STRBP: variants seen among roughly 807,000 people sequenced by gnomAD.
STRBP encodes the protein spermatid perinuclear RNA binding protein, also known as spermatid perinuclear RNA-binding protein.
STRBP carries 13 observed loss-of-function variants against 80.1 expected under a neutral mutation model. That is an observed-to-expected ratio of 0.16 (90% CI 0.11 to 0.26). STRBP has a LOEUF of 0.26. Among genes scored for constraint, STRBP ranks in the 10% least tolerant of loss-of-function variants. STRBP has a pLI of 1.00. For missense variants in STRBP, 485 were observed against 815.2 expected, an observed-to-expected ratio of 0.59 and a Z score of 4.93; for synonymous variants, 284 against 291.2, an observed-to-expected ratio of 0.98 and a Z score of 0.25.
At chr9:123,129,942 G>T (rs1167215163) in intron 17 of STRBP, among the ~76,000 whole-genome samples, 2 of 152,180 alleles carry the variant, frequency 1.3e-5, no homozygotes, top group African/African-American at 4.8e-5. Flanking sequence ...AGAGGAGACA[G>T]ATCAGAGGCC....
chr9:123,209,393 A>T (rs1359183005), intron 2 of STRBP, among the ~76,000 whole-genome samples: 1 of 152,244 alleles, frequency 6.6e-6, no homozygotes, highest in Non-Finnish European at 1.5e-5. Context: ...CAGTATTAAC[A>T]ATACACTCTA....
chr9:123,122,047 C>A lies in STRBP; in HGVS notation c.*3550G>T. The A allele has an allele frequency of 5.1e-6, 1 of 197,560 alleles. No homozygotes were observed. 12.2% of individuals were successfully genotyped at this position (197,560 alleles called of 1,614,324 possible). A position where few individuals can be genotyped will look rare whatever the true frequency, so the allele number is the denominator to read the frequency against. On this transcript the variant is annotated 3_prime_UTR_variant, in exon 19 of 19. Coordinates refer to ENST00000348403, the MANE Select transcript of STRBP (RefSeq NM_018387.5). ...TATTAAAACAAATGTTGAAAAATAA[C>A]TATTTTACATTTAGACCATACAATT...
chr9:123,251,129 GTCTGTCTCTGTTTCTTTC>G (rs893266637), intron 1 of STRBP, among the ~76,000 whole-genome samples: 20 of 152,102 alleles, frequency 1.3e-4, no homozygotes, highest in East Asian at 1.2e-3. Context: ...GAACCTCTCT[GTCTGTCTCTGTTTCTTTC>G]TCTGTCTCTG....
At chr9:123,235,002 G>GT (rs1206649649) in intron 2 of STRBP, among the ~76,000 whole-genome samples, 4 of 148,428 alleles carry the variant, frequency 2.7e-5, no homozygotes, top group African/African-American at 7.4e-5. Context: ...TTTTTGGGGG[G>GT]GGGGGGTACT....
chr9:123,239,787 T>C (rs2040654376), intron 1 of STRBP, among the ~76,000 whole-genome samples: 1 of 152,246 alleles, frequency 6.6e-6, no homozygotes. Flanking sequence ...AGCATCTGAA[T>C]TTATGAAATG....
intron 13 of STRBP, among the ~76,000 whole-genome samples, chr9:123,144,976 T>C (rs1003098600): frequency 6.6e-6 from 1 of 152,210 alleles, no homozygotes; most frequent in African/African-American, 2.4e-5. Context: ...CTTAATTCAT[T>C]CTACCTGGAT....
intron 6 of STRBP, chr9:123,168,050 G>A (rs764367328): frequency 1.0e-5 from 2 of 192,822 alleles, no homozygotes; most frequent in Non-Finnish European, 1.9e-5. Context: ...AAGCAAACAT[G>A]TAATTAACTT....
intron 2 of STRBP, among the ~76,000 whole-genome samples, chr9:123,197,318 G>C (rs1178457850): frequency 2.0e-5 from 3 of 152,174 alleles, no homozygotes; most frequent in African/African-American, 7.2e-5. Flanking sequence ...TCTAGTATTT[G>C]ATAACACAAC....
At chr9:123,238,651 G>C (rs1340623264) in intron 1 of STRBP, among the ~76,000 whole-genome samples, 1 of 152,168 alleles carries the variant, frequency 6.6e-6, no homozygotes, top group East Asian at 1.9e-4. Flanking sequence ...TCCCACGTAT[G>C]CAAATGAATT....
Position 123,175,405 on chromosome 9 carries a change from T to C in STRBP, c.225-1563A>G, listed in dbSNP as rs560744863. 4.8e-4 allele frequency among the ~76,000 whole-genome samples: 73 copies of C among 151,752 alleles called. No homozygotes were observed. In the South Asian group the frequency reaches 0.014, roughly 29 times the overall value. On this transcript the variant is annotated intron_variant, in intron 4 of 18. Coordinates refer to ENST00000348403, the MANE Select transcript of STRBP (RefSeq NM_018387.5). ...AGAATCAGCAGAGTTGAGAATAAAA[T>C]GGAAAGGGAGAAGGAAGAGAAACAA...
chr9:123,260,319 C>A (rs886118917), intron 1 of STRBP, among the ~76,000 whole-genome samples: 3 of 152,132 alleles, frequency 2.0e-5, no homozygotes, highest in African/African-American at 7.2e-5. Flanking sequence ...CTTTGTGATA[C>A]TAAAGAAGGG....
intron 4 of STRBP, among the ~76,000 whole-genome samples, chr9:123,176,422 C>G (rs1397298671): frequency 1.3e-5 from 2 of 152,184 alleles, no homozygotes; most frequent in Non-Finnish European, 2.9e-5. Flanking sequence ...AATATGAGTC[C>G]TGGTTCAACC....
intron 1 of STRBP, among the ~76,000 whole-genome samples, chr9:123,251,601 AGAGGGTTAGTATAGCT>A (rs2040919222): frequency 6.6e-6 from 1 of 152,210 alleles, no homozygotes; most frequent in African/African-American, 2.4e-5. Context: ...GTACAAGATA[AGAGGGTTAGTATAGCT>A]GATCTCCAAA....
At chr9:123,169,363 G>T (rs911837657) in intron 6 of STRBP, among the ~76,000 whole-genome samples, 1 of 151,920 alleles carries the variant, frequency 6.6e-6, no homozygotes, top group Non-Finnish European at 1.5e-5. Context: ...TAGAGACGGG[G>T]TTTTGCCAAG....
chr9:123,146,548 C>A (rs2036821981), intron 13 of STRBP, among the ~76,000 whole-genome samples: 1 of 146,806 alleles, frequency 6.8e-6, no homozygotes, highest in African/African-American at 2.5e-5. Context: ...AAATAAACAG[C>A]AAAATAGAAA....
chr9:123,172,626 T>C (rs971772361), intron 5 of STRBP, among the ~76,000 whole-genome samples: 4 of 152,142 alleles, frequency 2.6e-5, no homozygotes, highest in Non-Finnish European at 4.4e-5. Flanking sequence ...AATGATAACA[T>C]AGTGCCCCCA....
chr9:123,231,036 C>T (rs1210776653), intron 2 of STRBP, among the ~76,000 whole-genome samples: 2 of 152,192 alleles, frequency 1.3e-5, no homozygotes, highest in African/African-American at 4.8e-5. Flanking sequence ...CCCAGTGGTT[C>T]TTCAACTCTG....
intron 1 of STRBP, among the ~76,000 whole-genome samples, chr9:123,243,255 A>T (rs1209395677): frequency 1.4e-5 from 2 of 143,782 alleles, no homozygotes; most frequent in Non-Finnish European, 3.0e-5. Context: ...GGAATTAGAC[A>T]TCAATAAGAC....
rs1037000373 is a variant in STRBP, at chr9:123,114,966, A to G, written c.*84+963T>C. The G allele has an allele frequency of 2.3e-5, 8 of 345,082 alleles. No homozygotes were observed. The Admixed American group carries it at 2.4e-4, about 10-fold the overall frequency. The allele number at this position is 345,082 out of a possible 1,614,324, so 21.4% of individuals were successfully genotyped here. ...GCCTCCCTCACGCCTCGCCTGGCCA[A>G]TGGCAACAGCCTCTTGCTCATCAGC... On this transcript the variant is annotated intron_variant and NMD_transcript_variant, in intron 3 of 3. Transcript: ENST00000471564.
Sources: allele counts gnomAD v4.1 joint callset (sites outside exome capture counted in the v4.1 genomes callset), GRCh38; gene constraint gnomAD v4.1.1; transcripts MANE v1.5; gene names NCBI Gene and HGNC (gene_info 2026-07-23, HGNC 2026-07-21).